The following EDNRB variants were observed in gnomAD, a reference collection of about 807,000 sequenced individuals.
EDNRB encodes the protein Hirschsprung disease 2.
EDNRB carries 18 observed loss-of-function variants against 46.4 expected under a neutral mutation model. The ratio of observed to expected loss-of-function variants is 0.39; its 90% confidence interval spans 0.27 to 0.57. The LOEUF (loss-of-function observed/expected upper bound fraction) is 0.57, where lower values mean the gene tolerates loss of function less well. EDNRB is among the 20% of genes least tolerant of loss of function. EDNRB has a pLI of 0.61. For missense variants in EDNRB, 434 were observed against 537.5 expected, an observed-to-expected ratio of 0.81 and a Z score of 1.90; for synonymous variants, 213 against 204.9, an observed-to-expected ratio of 1.04 and a Z score of -0.34.
intron 1 of EDNRB, among the ~76,000 whole-genome samples, chr13:77,938,763 A>T (rs889574979): frequency 1.3e-5 from 2 of 152,164 alleles, no homozygotes; most frequent in Non-Finnish European, 2.9e-5. Context: ...TGGCACCAAG[A>T]TTGAAAGGAG....
intron 1 of EDNRB, among the ~76,000 whole-genome samples, chr13:77,965,644 A>G (rs189373070): frequency 6.6e-4 from 101 of 152,276 alleles, no homozygotes; most frequent in African/African-American, 2.4e-3. Flanking sequence ...CAAACATCTT[A>G]TGTTTCTTCA....
At chr13:77,922,589 C>A (rs1266842866), upstream of EDNRB, among the ~76,000 whole-genome samples, 2 of 152,086 alleles carry the variant, frequency 1.3e-5, no homozygotes, top group Admixed American at 1.3e-4. Context: ...ATTCAATGAT[C>A]AAATAGTGGT....
intron 1 of EDNRB, among the ~76,000 whole-genome samples, chr13:77,972,527 G>A (rs1881764692): frequency 1.3e-5 from 2 of 152,152 alleles, no homozygotes; most frequent in South Asian, 2.1e-4. Context: ...CTATGTTGGG[G>A]GGCAAGACTC....
At chr13:77,913,796 C>T (rs1280829447) in intron 1 of EDNRB, among the ~76,000 whole-genome samples, 1 of 152,100 alleles carries the variant, frequency 6.6e-6, no homozygotes, top group African/African-American at 2.4e-5. Flanking sequence ...GCTTTTTATC[C>T]AGCTTTGATA....
Position 77,896,366 on chromosome 13 carries a change from C to T in EDNRB, c.*1834G>A. ...AAATGACTTCTATGATAACAGGCCT[C>T]TGAAAAAGTGATTGGGATGAAATTA... is the stretch of plus-strand genomic sequence containing the variant. On this transcript the variant is annotated 3_prime_UTR_variant, in exon 7 of 7. Transcript: ENST00000646607. 1 of 1,478,234 alleles carries T rather than the reference C, an allele frequency of 6.8e-7. No homozygotes were observed. The highest frequency in any genetic ancestry group is 9.0e-7 in the Non-Finnish European group (1 of 1,114,576). 91.6% of individuals were successfully genotyped at this position (1,478,234 alleles called of 1,614,324 possible).
intron 1 of EDNRB, among the ~76,000 whole-genome samples, chr13:77,965,339 C>T (rs937578509): frequency 3.3e-5 from 5 of 152,166 alleles, no homozygotes. Flanking sequence ...GATTAAAAAA[C>T]TATTTTCATG....
chr13:77,921,823 G>T (rs1880094672), upstream of EDNRB, among the ~76,000 whole-genome samples: 1 of 152,136 alleles, frequency 6.6e-6, no homozygotes, highest in Non-Finnish European at 1.5e-5. Flanking sequence ...CAATAAATCA[G>T]TCCGACTGAC....
intron 3 of EDNRB, 29 bp from the exon 4 acceptor site, chr13:77,901,236 A>C (rs781099239): frequency 6.2e-7 from 1 of 1,606,064 alleles, no homozygotes; most frequent in East Asian, 2.2e-5. Context: ...TTTTACGATT[A>C]ATACTCCTCT....
chr13:77,903,085 G>C, intron 3 of EDNRB, 71 bp downstream of exon 3: 4 of 1,517,402 alleles, frequency 2.6e-6, no homozygotes, highest in Non-Finnish European at 3.6e-6. Flanking sequence ...CAAGGAGTGG[G>C]GAACAGGGGA....
intron 1 of EDNRB, among the ~76,000 whole-genome samples, chr13:77,964,586 C>A (rs528590216): frequency 6.6e-6 from 1 of 152,098 alleles, no homozygotes; most frequent in Non-Finnish European, 1.5e-5. Context: ...AATGAGAACA[C>A]TCGGACACAG....
upstream of EDNRB, among the ~76,000 whole-genome samples, chr13:77,921,336 T>C (rs1880081370): frequency 6.6e-6 from 1 of 152,218 alleles, no homozygotes; most frequent in Non-Finnish European, 1.5e-5. Context: ...ACATTCCTCA[T>C]TTGGAATTTA....
chr13:77,923,671 C>T (rs971273631), upstream of EDNRB, among the ~76,000 whole-genome samples: 1 of 151,438 alleles, frequency 6.6e-6, no homozygotes, highest in East Asian at 1.9e-4. Flanking sequence ...CTTTTGATAC[C>T]TGAATGAAGT....
intron 1 of EDNRB, chr13:77,939,506 T>C (rs1229391566): frequency 6.6e-6 from 1 of 152,200 alleles, no homozygotes; most frequent in African/African-American, 2.4e-5. Flanking sequence ...CATAAATTCA[T>C]TGGGAAGATT....
intron 1 of EDNRB, among the ~76,000 whole-genome samples, chr13:77,966,747 C>T (rs1881593986): frequency 6.6e-6 from 1 of 152,144 alleles, no homozygotes; most frequent in Admixed American, 6.6e-5. Flanking sequence ...GGGGTTTTTG[C>T]AGAAGTAAAA....
upstream of EDNRB, chr13:77,919,148 G>A: frequency 1.9e-6 from 1 of 531,780 alleles, no homozygotes; most frequent in South Asian, 2.9e-5. Flanking sequence ...CCCGCAGCGC[G>A]CCCAGGAGTG....
At chr13:77,900,452 A>G in intron 5 of EDNRB, 69 bp downstream of exon 5, 1 of 1,604,122 alleles carries the variant, frequency 6.2e-7, no homozygotes, top group African/African-American at 1.3e-5. Context: ...TCTGCCTATA[A>G]AAAAGATCGA....
chr13:77,938,886 T>C (rs1238264002), intron 1 of EDNRB, among the ~76,000 whole-genome samples: 1 of 152,082 alleles, frequency 6.6e-6, no homozygotes, highest in African/African-American at 2.4e-5. Flanking sequence ...GGACCCGAGG[T>C]CATAGGTGGA....
intron 1 of EDNRB, among the ~76,000 whole-genome samples, chr13:77,925,414 C>A (rs2137648506): frequency 6.6e-6 from 1 of 152,320 alleles, no homozygotes; most frequent in East Asian, 1.9e-4. Flanking sequence ...GCACCATTCA[C>A]AACAACCAAT....
intron 1 of EDNRB, among the ~76,000 whole-genome samples, chr13:77,955,689 T>C (rs536312122): frequency 6.6e-6 from 1 of 152,304 alleles, no homozygotes; most frequent in Non-Finnish European, 1.5e-5. Flanking sequence ...CTTTTGCTTG[T>C]AAATAACCAG....
Sources: allele counts gnomAD v4.1 joint callset (sites outside exome capture counted in the v4.1 genomes callset), GRCh38; gene constraint gnomAD v4.1.1; transcripts MANE v1.5; gene names NCBI Gene and HGNC (gene_info 2026-07-23, HGNC 2026-07-21).